The following PTPRD variants were observed in gnomAD, a reference collection of about 807,000 sequenced individuals.
The protein encoded by PTPRD is receptor-type tyrosine-protein phosphatase delta.
PTPRD carries 34 observed loss-of-function variants against 214.5 expected under a neutral mutation model. The ratio of observed to expected loss-of-function variants is 0.16; its 90% CI spans 0.12 to 0.21. The LOEUF is 0.21. PTPRD is among the 10% of genes least tolerant of loss of function. The pLI is 1.00. For synonymous variants in PTPRD, 1,128 were observed against 845.7 expected (o/e 1.33, Z -5.79); for missense variants, 2,545 against 2,398.7 (o/e 1.06, Z -1.27).
intron 39 of PTPRD, among the ~76,000 whole-genome samples, chr9:8,358,171 A>G (rs1017982791): frequency 6.6e-6 from 1 of 152,194 alleles, no homozygotes; most frequent in Non-Finnish European, 1.5e-5. Flanking sequence ...CATAGACACC[A>G]TCTCCAACCA....
chr9:8,557,431 A>AATATATATATATAT (rs1281715374), intron 14 of PTPRD, among the ~76,000 whole-genome samples: 3 of 111,752 alleles, frequency 2.7e-5, no homozygotes, highest in African/African-American at 2.3e-4. Flanking sequence ...TTCATTTGTA[A>AATATATATATATAT]ATACATATAT....
At position 9,088,581 on chromosome 9, in the gene PTPRD, GAAAAAAAAAAAA is replaced by G. The variant is rs533619970; in HGVS notation, c.-142-69858_-142-69847del. Among the ~76,000 whole-genome samples the G allele has an allele frequency of 3.6e-4, 12 of 33,036 alleles. 1 individual carries two copies. Among genetic ancestry groups the G allele is most frequent in the African/African-American group, 6.6e-4 (7 of 10,620 alleles). 21.7% of individuals were successfully genotyped at this position (33,036 alleles called of 152,430 possible). On this transcript the variant is annotated intron_variant, in intron 10 of 45. Coordinates refer to ENST00000381196, the MANE Select transcript of PTPRD (RefSeq NM_002839.4). ...GGCGACAGAGTGAGACTTAGTCTCA[GAAAAAAAAAAAA>G]AAAAAAAAAAAAAAAAGAAGTCTGG...
At chr9:8,436,496 G>A (rs1443662164) in intron 35 of PTPRD, 96 bp downstream of exon 35, 2 of 886,870 alleles carry the variant, frequency 2.3e-6, no homozygotes, top group Non-Finnish European at 1.8e-6. Flanking sequence ...ATATTTAAAG[G>A]GAAAAGCACT....
intron 5 of PTPRD, among the ~76,000 whole-genome samples, chr9:9,824,533 T>TAA (rs1308342862): frequency 6.6e-6 from 1 of 151,936 alleles, no homozygotes; most frequent in Non-Finnish European, 1.5e-5. Flanking sequence ...GAATTAACTG[T>TAA]AAAAATTAAT....
intron 10 of PTPRD, among the ~76,000 whole-genome samples, chr9:9,176,105 C>T (rs1280994568): frequency 6.6e-6 from 1 of 152,160 alleles, no homozygotes; most frequent in Non-Finnish European, 1.5e-5. Flanking sequence ...CATCTTTCCA[C>T]AGCCTATAAG....
intron 4 of PTPRD, among the ~76,000 whole-genome samples, chr9:10,005,197 G>T (rs147892156): frequency 2.6e-5 from 4 of 152,068 alleles, no homozygotes; most frequent in Admixed American, 1.3e-4. Flanking sequence ...AGCAGATAAG[G>T]CACAAAGCTA....
intron 2 of PTPRD, among the ~76,000 whole-genome samples, chr9:10,559,075 A>G (rs188818066): frequency 2.6e-5 from 4 of 152,260 alleles, no homozygotes; most frequent in African/African-American, 9.6e-5. Context: ...TGAGAGTAAA[A>G]ACAAATGTAA....
chr9:10,396,784 C>G (rs2098179035), intron 2 of PTPRD, among the ~76,000 whole-genome samples: 1 of 151,924 alleles, frequency 6.6e-6, no homozygotes, highest in African/African-American at 2.4e-5. Flanking sequence ...CTGATTTTCC[C>G]CAGGGACACT....
chr9:9,112,696 T>G (rs535155572), intron 10 of PTPRD, among the ~76,000 whole-genome samples: 40 of 152,242 alleles, frequency 2.6e-4, no homozygotes, highest in African/African-American at 9.6e-4. Flanking sequence ...AGAAAGAGAA[T>G]AAATGTGCAG....
chr9:9,429,719 C>T (rs953923433), intron 8 of PTPRD, among the ~76,000 whole-genome samples: 1 of 152,184 alleles, frequency 6.6e-6, no homozygotes, highest in Non-Finnish European at 1.5e-5. Context: ...AAGTGGGCTT[C>T]ATCCCTGGAA....
intron 3 of PTPRD, among the ~76,000 whole-genome samples, chr9:10,147,282 A>G (rs1030840781): frequency 6.6e-6 from 1 of 151,910 alleles, no homozygotes; most frequent in African/African-American, 2.4e-5. Flanking sequence ...TTATTATTAT[A>G]CTTTAAGTTT....
chr9:10,411,725 T>C (rs2098437984), intron 2 of PTPRD, among the ~76,000 whole-genome samples: 1 of 151,800 alleles, frequency 6.6e-6, no homozygotes. Context: ...TAATATACCC[T>C]ATATTAGTTT....
intron 4 of PTPRD, among the ~76,000 whole-genome samples, chr9:10,029,705 A>G (rs1299045945): frequency 1.3e-5 from 2 of 152,224 alleles, no homozygotes; most frequent in African/African-American, 4.8e-5. Flanking sequence ...TTACAGGCTC[A>G]TAGGCAGAAG....
chr9:8,479,169 C>T (rs76855678), intron 30 of PTPRD, among the ~76,000 whole-genome samples: 110 of 152,266 alleles, frequency 7.2e-4, no homozygotes, highest in African/African-American at 2.4e-3. Context: ...AATACCTGAC[C>T]GTGTTACATT....
intron 9 of PTPRD, among the ~76,000 whole-genome samples, chr9:9,259,819 T>C (rs2099979300): frequency 6.6e-6 from 1 of 151,890 alleles, no homozygotes; most frequent in Non-Finnish European, 1.5e-5. Context: ...GAAGGAAGGA[T>C]AGAACTCTGA....
At chr9:10,060,269 T>G (rs12685620) in intron 3 of PTPRD, among the ~76,000 whole-genome samples, 29,468 of 151,960 alleles carry the variant, frequency 0.19, 3,548 homozygotes, top group South Asian at 0.3. Flanking sequence ...AAAAGAATAT[T>G]TTTAAAAAAT....
At chr9:10,106,013 C>CAAAAAAAAAAAAAAA (rs35421883) in intron 3 of PTPRD, among the ~76,000 whole-genome samples, 1 of 56,670 alleles carries the variant, frequency 1.8e-5, no homozygotes, top group Non-Finnish European at 3.4e-5. Flanking sequence ...ATCACATATT[C>CAAAAAAAAAAAAAAA]AAAAAAAAAA....
chr9:10,344,740 A>G (rs2097032570), intron 2 of PTPRD, among the ~76,000 whole-genome samples: 1 of 152,012 alleles, frequency 6.6e-6, no homozygotes, highest in African/African-American at 2.4e-5. Flanking sequence ...TTGGTCCTTC[A>G]CATCCCTGGT....
At chr9:10,096,771 T>C (rs1406825920) in intron 3 of PTPRD, among the ~76,000 whole-genome samples, 2 of 152,050 alleles carry the variant, frequency 1.3e-5, no homozygotes, top group Non-Finnish European at 2.9e-5. Context: ...ATTTTGGCTT[T>C]TGTTGCCATT....
Sources: allele counts gnomAD v4.1 joint callset (sites outside exome capture counted in the v4.1 genomes callset), GRCh38; gene constraint gnomAD v4.1.1; transcripts MANE v1.5; gene names NCBI Gene and HGNC (gene_info 2026-07-23, HGNC 2026-07-21).